Variants in GTF2IRD1 observed in about 807,000 individuals in gnomAD.
The protein encoded by GTF2IRD1 is GTF2I repeat domain containing 1.
GTF2IRD1 carries 26 observed loss-of-function variants against 113.2 expected under a neutral mutation model. That is an observed-to-expected ratio of 0.23 (90% CI 0.17 to 0.32). The LOEUF (loss-of-function observed/expected upper bound fraction) is 0.32. Among genes scored for constraint, GTF2IRD1 ranks in the 10% least tolerant of loss-of-function variants. GTF2IRD1 has a pLI of 1.00. For missense variants in GTF2IRD1, 864 were observed against 1,280.8 expected (o/e 0.67, Z 4.97); for synonymous variants, 484 against 529.1 (o/e 0.91, Z 1.17).
chr7:74,566,002 CACAA>C lies in GTF2IRD1; in HGVS notation c.2320+6351_2320+6354del, dbSNP rs1437547759. On this transcript the variant is annotated intron_variant, in intron 22 of 26. Transcript: ENST00000424337. Reference sequence around the variant, plus strand: ...AGTAAGACCCTCTCTCTAAAAGACACACAAACACACACACACACACACACACACA... The same window carrying C: ...AGTAAGACCCTCTCTCTAAAAGACACACACACACACACACACACACACACA... Among the ~76,000 whole-genome samples the C allele has an allele frequency of 1.2e-4, 16 of 132,654 alleles. 1 individual carries two copies. Among genetic ancestry groups the C allele is most frequent in the African/African-American group, 1.6e-4 (5 of 30,726 alleles). 87.0% of individuals were successfully genotyped at this position (132,654 alleles called of 152,430 possible).
intron 1 of GTF2IRD1, among the ~76,000 whole-genome samples, chr7:74,491,995 G>A (rs1486920113): frequency 1.3e-5 from 2 of 151,396 alleles, no homozygotes; most frequent in Non-Finnish European, 2.9e-5. Flanking sequence ...TTTCTTGTTC[G>A]TTTGTTTTTG....
At chr7:74,466,946 T>C (rs1177910002) in intron 1 of GTF2IRD1, among the ~76,000 whole-genome samples, 2 of 151,294 alleles carry the variant, frequency 1.3e-5, no homozygotes, top group African/African-American at 4.9e-5. Context: ...TCCACCCTTT[T>C]TCTTTCTTTT....
intron 8 of GTF2IRD1, among the ~76,000 whole-genome samples, chr7:74,528,912 T>TGGAC: frequency 8.2e-6 from 1 of 121,396 alleles, no homozygotes; most frequent in South Asian, 2.6e-4. Context: ...GATGGATGGA[T>TGGAC]GGATGGATGG....
rs782005017 is a variant in GTF2IRD1 at position 74,590,903 on chromosome 7, C to T, written c.2477C>T (p.Thr826Met). The T allele has an allele frequency of 1.0e-4, 164 of 1,613,092 alleles. No homozygotes were observed. Among genetic ancestry groups the T allele is most frequent in the Non-Finnish European group, 1.3e-4 (156 of 1,179,358 alleles). Residue 826 changes from threonine to methionine, a missense_variant, in exon 24 of 27, where the codon ACG becomes ATG. Transcript: ENST00000424337. ...IRDSPDAVEV[T>M]GLPDDIPFRN... ...GACAGCCCAGACGCCGTGGAGGTCA[C>T]GGGTCTGCCTGATGACATCCCCTTC... is the stretch of plus-strand genomic sequence containing the variant.
At chr7:74,539,748 C>CA (rs879998108) in intron 13 of GTF2IRD1, 131 bp from the exon 14 acceptor site, 32,079 of 490,588 alleles carry the variant, frequency 0.065, no homozygotes, top group East Asian at 0.081. Context: ...CATCTCAAAC[C>CA]AAAAAAAAAA....
chr7:74,527,142 G>A (rs1797648144), intron 8 of GTF2IRD1, among the ~76,000 whole-genome samples: 1 of 152,138 alleles, frequency 6.6e-6, no homozygotes, highest in South Asian at 2.1e-4. Context: ...TGGTCATACG[G>A]GGAGGCAAGA....
At chr7:74,600,002 C>T (rs782135183) in intron 25 of GTF2IRD1, among the ~76,000 whole-genome samples, 3 of 152,210 alleles carry the variant, frequency 2.0e-5, no homozygotes, top group East Asian at 1.9e-4. Flanking sequence ...AGCCCTGCCC[C>T]TTCGGGTGCT....
intron 1 of GTF2IRD1, among the ~76,000 whole-genome samples, chr7:74,467,436 G>A (rs1793793494): frequency 6.6e-6 from 1 of 152,230 alleles, no homozygotes; most frequent in African/African-American, 2.4e-5. Flanking sequence ...GGCAGCTGAT[G>A]TGTGCAGACA....
At chr7:74,567,974 A>T (rs1317445501) in intron 22 of GTF2IRD1, among the ~76,000 whole-genome samples, 3 of 151,874 alleles carry the variant, frequency 2.0e-5, no homozygotes, top group Admixed American at 6.6e-5. Context: ...TTTAGTAGAG[A>T]TGGGGTTTCA....
At chr7:74,484,861 T>C (rs1230226587) in intron 1 of GTF2IRD1, among the ~76,000 whole-genome samples, 5 of 152,208 alleles carry the variant, frequency 3.3e-5, no homozygotes, top group South Asian at 2.1e-4. Context: ...CTTTTGGCTA[T>C]TGTGAATACT....
intron 22 of GTF2IRD1, among the ~76,000 whole-genome samples, chr7:74,580,138 T>C (rs1440589985): frequency 1.3e-5 from 2 of 152,172 alleles, no homozygotes; most frequent in African/African-American, 2.4e-5. Context: ...GGTTAAAAGC[T>C]GAACCTGAAT....
At chr7:74,522,856 C>T (rs1182053024) in intron 7 of GTF2IRD1, among the ~76,000 whole-genome samples, 3 of 152,172 alleles carry the variant, frequency 2.0e-5, no homozygotes, top group Non-Finnish European at 4.4e-5. Flanking sequence ...ATATAAAGTA[C>T]TTAGCACAGA....
chr7:74,524,291 TC>T lies in GTF2IRD1; in HGVS notation c.1090+139del, dbSNP rs111394400. The T allele has an allele frequency of 9.1e-4, 562 of 616,908 alleles. 3 individuals are homozygous for T. In the African/African-American group the frequency reaches 9.6e-3, roughly 11 times the overall value. The allele number at this position is 616,908 out of a possible 1,614,324, so 38.2% of individuals were successfully genotyped here. A position where few individuals can be genotyped will look rare whatever the true frequency, so the allele number is the denominator to read the frequency against. ...CCGCGCGCCGGCACCGCTAATGTCA[TC>T]CGTCGCGGGCTCCTCCTGTCTGGGT... On this transcript the variant is annotated intron_variant, in intron 8 of 26. Transcript: ENST00000424337.
chr7:74,506,351 A>C (rs1796296924), intron 1 of GTF2IRD1: 1 of 152,236 alleles, frequency 6.6e-6, no homozygotes, highest in Non-Finnish European at 1.5e-5. Flanking sequence ...TTCTGCCCTC[A>C]AAGAGCTTAC....
intron 1 of GTF2IRD1, among the ~76,000 whole-genome samples, chr7:74,504,665 T>C (rs1040467132): frequency 6.6e-6 from 1 of 151,524 alleles, no homozygotes; most frequent in Non-Finnish European, 1.5e-5. Context: ...GGAAGAAGGA[T>C]AGTAGCTCAT....
At chr7:74,591,183 ATT>A (rs1321932431) in intron 24 of GTF2IRD1, among the ~76,000 whole-genome samples, 166 bp downstream of exon 24, 1 of 151,994 alleles carries the variant, frequency 6.6e-6, no homozygotes, top group African/African-American at 2.4e-5. Flanking sequence ...ACATTTACTT[ATT>A]TTTAAAGATT....
At chr7:74,546,410 C>G (rs1427084265) in intron 16 of GTF2IRD1, among the ~76,000 whole-genome samples, 2 of 151,922 alleles carry the variant, frequency 1.3e-5, no homozygotes, top group Non-Finnish European at 2.9e-5. Context: ...TTAATAGAGA[C>G]AGGGCTTCAC....
chr7:74,584,525 ATAAAG>A (rs1801606588), intron 22 of GTF2IRD1, among the ~76,000 whole-genome samples: 1 of 152,202 alleles, frequency 6.6e-6, no homozygotes. Flanking sequence ...TTTACATAAG[ATAAAG>A]TAAATAGAGT....
At chr7:74,560,777 C>T (rs1460470752) in intron 22 of GTF2IRD1, among the ~76,000 whole-genome samples, 1 of 151,862 alleles carries the variant, frequency 6.6e-6, no homozygotes, top group Non-Finnish European at 1.5e-5. Flanking sequence ...AGCTGGGTTT[C>T]ACCATATTGG....
Sources: allele counts gnomAD v4.1 joint callset (sites outside exome capture counted in the v4.1 genomes callset), GRCh38; gene constraint gnomAD v4.1.1; transcripts MANE v1.5; gene names NCBI Gene and HGNC (gene_info 2026-07-23, HGNC 2026-07-21).